Variants in PRKN observed in about 807,000 individuals in gnomAD.
PRKN encodes the protein parkin RBR E3 ubiquitin protein ligase, also known as E3 ubiquitin-protein ligase parkin.
A neutral mutation model predicts 59.5 loss-of-function variants in PRKN; 56 were observed. The ratio of observed to expected loss-of-function variants is 0.94; its 90% CI spans 0.76 to 1.18. The LOEUF (loss-of-function observed/expected upper bound fraction) is 1.18. PRKN is among the 50% of genes most tolerant of loss of function. The pLI, the probability that PRKN is intolerant of heterozygous loss-of-function variation, is 0.00. For missense variants in PRKN, 657 were observed against 596.4 expected, an observed-to-expected ratio of 1.10 and a Z score of -1.06; for synonymous variants, 250 against 222.1, an observed-to-expected ratio of 1.13 and a Z score of -1.12.
At chr6:162,439,698 T>C (rs9458552) in intron 2 of PRKN, among the ~76,000 whole-genome samples, 9 of 74,988 alleles carry the variant, frequency 1.2e-4, no homozygotes, top group African/African-American at 6.5e-4. Flanking sequence ...TCTTCCTCTT[T>C]AGCCTACTCA....
intron 1 of PRKN, among the ~76,000 whole-genome samples, chr6:162,488,055 C>T (rs1027080299): frequency 5.2e-4 from 43 of 82,976 alleles, no homozygotes; most frequent in East Asian, 1.8e-3. Flanking sequence ...TTTTTTTTGG[C>T]GGAGGGTTAA....
At chr6:162,365,911 G>A (rs909127953) in intron 2 of PRKN, among the ~76,000 whole-genome samples, 7 of 151,880 alleles carry the variant, frequency 4.6e-5, no homozygotes, top group Admixed American at 6.6e-5. Flanking sequence ...CTCAATAAAC[G>A]TCCACTGAGA....
chr6:161,858,858 C>CTTTTTTTTTTTTTTTTTT lies in PRKN; in HGVS notation c.735-72968_735-72951dup. ...CTTTCAATTAACTAGCACAGCTGTA[C>CTTTTTTTTTTTTTTTTTT]TTTTTTTTTTTTTTTTTTTTGAGAC... On this transcript the variant is annotated intron_variant, in intron 6 of 11. Transcript: ENST00000366898. 1.7e-3 allele frequency among the ~76,000 whole-genome samples: 122 copies of CTTTTTTTTTTTTTTTTTT among 71,942 alleles called. 23 individuals are homozygous for CTTTTTTTTTTTTTTTTTT. The highest frequency in any genetic ancestry group is 5.0e-3 in the South Asian group (8 of 1,588). 47.2% of individuals were successfully genotyped at this position (71,942 alleles called of 152,430 possible).
intron 4 of PRKN, among the ~76,000 whole-genome samples, chr6:162,167,148 C>A (rs11969738): frequency 6.6e-6 from 1 of 152,052 alleles, no homozygotes; most frequent in East Asian, 1.9e-4. Flanking sequence ...ATTCCATTTT[C>A]GCATTGTCAA....
intron 7 of PRKN, among the ~76,000 whole-genome samples, chr6:161,745,860 A>G (rs1336211067): frequency 3.3e-5 from 5 of 152,228 alleles, no homozygotes; most frequent in Non-Finnish European, 5.9e-5. Context: ...TGTGTATTCA[A>G]TTAGGACTGT....
chr6:162,518,390 A>C (rs1340218822), intron 1 of PRKN, among the ~76,000 whole-genome samples: 1 of 152,160 alleles, frequency 6.6e-6, no homozygotes, highest in East Asian at 1.9e-4. Context: ...TTTTTGAGAC[A>C]GAATCTCAAC....
rs1411266125 is a variant in PRKN, at chr6:161,607,227, C to A, written c.872-37811G>T. 2.6e-5 allele frequency among the ~76,000 whole-genome samples: 4 copies of A among 152,146 alleles called. No homozygotes were observed. In the South Asian group the frequency reaches 8.3e-4, roughly 32 times the overall value. Reference sequence around the variant, plus strand: ...TGTTCACTGCTCTACTACAGGTACTCAGGTGAAATGCAGAATTTAACAAGC... The same window carrying A: ...TGTTCACTGCTCTACTACAGGTACTAAGGTGAAATGCAGAATTTAACAAGC... On this transcript the variant is annotated intron_variant, in intron 7 of 11. Coordinates refer to ENST00000366898, the MANE Select transcript of PRKN (RefSeq NM_004562.3).
chr6:162,044,272 G>A (rs1057491433), intron 5 of PRKN, among the ~76,000 whole-genome samples: 2 of 152,104 alleles, frequency 1.3e-5, no homozygotes, highest in African/African-American at 2.4e-5. Context: ...CGCCTATTAC[G>A]CTAATGAACT....
chr6:161,633,659 C>T (rs1783399650), intron 7 of PRKN, among the ~76,000 whole-genome samples: 1 of 152,228 alleles, frequency 6.6e-6, no homozygotes, highest in African/African-American at 2.4e-5. Context: ...CACTGCTCTC[C>T]TCTGTTGCCC....
intron 9 of PRKN, among the ~76,000 whole-genome samples, chr6:161,521,034 T>C (rs962180100): frequency 4.6e-5 from 7 of 152,190 alleles, no homozygotes; most frequent in Admixed American, 2.6e-4. Flanking sequence ...TCTTCTCCCG[T>C]ATGTGAAGAG....
At chr6:161,662,371 G>A (rs1784579445) in intron 7 of PRKN, among the ~76,000 whole-genome samples, 1 of 152,180 alleles carries the variant, frequency 6.6e-6, no homozygotes, top group Admixed American at 6.5e-5. Context: ...GACAGGAACG[G>A]ATGGGAGAAT....
At chr6:162,209,585 C>A (rs964481550) in intron 3 of PRKN, among the ~76,000 whole-genome samples, 1 of 151,982 alleles carries the variant, frequency 6.6e-6, no homozygotes, top group African/African-American at 2.4e-5. Context: ...ACCATTTGAC[C>A]CAGCCATGCC....
chr6:162,688,565 CT>C, intron 1 of PRKN, among the ~76,000 whole-genome samples: 1 of 152,238 alleles, frequency 6.6e-6, no homozygotes, highest in Non-Finnish European at 1.5e-5. Context: ...CAAAATTTAA[CT>C]GTTACTTTAG....
intron 4 of PRKN, among the ~76,000 whole-genome samples, chr6:162,181,576 T>C (rs1403067322): frequency 6.6e-6 from 1 of 152,064 alleles, no homozygotes; most frequent in Non-Finnish European, 1.5e-5. Flanking sequence ...CAAATATTGA[T>C]ACAGTGTTGT....
At chr6:162,540,228 T>C (rs1407555296) in intron 1 of PRKN, among the ~76,000 whole-genome samples, 1 of 151,464 alleles carries the variant, frequency 6.6e-6, no homozygotes, top group Non-Finnish European at 1.5e-5. Context: ...ATTTATTTTA[T>C]TTTTTATTTT....
At chr6:162,524,198 C>A (rs1005660450) in intron 1 of PRKN, among the ~76,000 whole-genome samples, 2 of 152,108 alleles carry the variant, frequency 1.3e-5, no homozygotes, top group Non-Finnish European at 2.9e-5. Flanking sequence ...TGTGTAGGAG[C>A]TATTGTAACC....
At chr6:161,656,943 G>C (rs908149894) in intron 7 of PRKN, among the ~76,000 whole-genome samples, 16 of 152,110 alleles carry the variant, frequency 1.1e-4, no homozygotes, top group African/African-American at 3.9e-4. Context: ...ACGGGGACTC[G>C]TAAGTTGTGT....
At chr6:162,068,645 C>G (rs1344233899) in intron 4 of PRKN, among the ~76,000 whole-genome samples, 1 of 152,216 alleles carries the variant, frequency 6.6e-6, no homozygotes, top group African/African-American at 2.4e-5. Context: ...CTTGGCAGTT[C>G]ACTTCATCAA....
intron 2 of PRKN, among the ~76,000 whole-genome samples, chr6:162,272,651 CGCGATTGCAAAACAACATCT>C (rs1352951055): frequency 2.0e-5 from 3 of 152,060 alleles, no homozygotes; most frequent in African/African-American, 4.8e-5. Flanking sequence ...CATATACCTC[CGCGATTGCAAAACAACATCT>C]GCGCAAGGTG....
Sources: allele counts gnomAD v4.1 joint callset (sites outside exome capture counted in the v4.1 genomes callset), GRCh38; gene constraint gnomAD v4.1.1; transcripts MANE v1.5; gene names NCBI Gene and HGNC (gene_info 2026-07-23, HGNC 2026-07-21).